The following CTNNA3 variants were observed in gnomAD, a reference collection of about 807,000 sequenced individuals.
CTNNA3 encodes catenin alpha 3.
In CTNNA3, 76 loss-of-function variants were observed where a neutral mutation model predicts 95.7. That is an observed-to-expected ratio of 0.79 (90% CI 0.66 to 0.96). The LOEUF is 0.96. Among genes scored for constraint, CTNNA3 ranks in the 40% least tolerant of loss-of-function variants. CTNNA3 has a pLI of 0.00. For synonymous variants in CTNNA3, 431 were observed against 374.4 expected, an observed-to-expected ratio of 1.15 and a Z score of -1.74; for missense variants, 1,191 against 1,089.8, an observed-to-expected ratio of 1.09 and a Z score of -1.31.
At chr10:66,682,559 T>TC (rs1847103510) in intron 9 of CTNNA3, among the ~76,000 whole-genome samples, 2 of 152,054 alleles carry the variant, frequency 1.3e-5, no homozygotes, top group African/African-American at 4.8e-5. Context: ...CAAATTATTT[T>TC]CTCAGGAGAT....
At chr10:67,401,642 G>A (rs1305494119) in intron 5 of CTNNA3, among the ~76,000 whole-genome samples, 3 of 152,172 alleles carry the variant, frequency 2.0e-5, no homozygotes, top group African/African-American at 7.2e-5. Context: ...CGAAGGTACA[G>A]TGCTAGTGAT....
chr10:66,149,987 G>A (rs79815550), intron 13 of CTNNA3, among the ~76,000 whole-genome samples: 1,755 of 152,184 alleles, frequency 0.012, 66 homozygotes, highest in East Asian at 0.081. Flanking sequence ...AGTTAACAAT[G>A]GACTTGGATT....
rs1286677103 is a variant in CTNNA3 at position 66,418,893 on chromosome 10, A to G, written c.1532-39541T>C. 2.0e-5 allele frequency among the ~76,000 whole-genome samples: 3 copies of G among 152,246 alleles called. No individual in the cohort carries two copies. In the East Asian group the frequency reaches 5.8e-4, roughly 29 times the overall value. On this transcript the variant is annotated intron_variant, in intron 11 of 17. Coordinates refer to ENST00000433211, the MANE Select transcript of CTNNA3 (RefSeq NM_013266.4). Reference sequence around the variant, plus strand: ...ACATGCCTCAAAAAATAAAGTCCATATATGTCAAATCCACAAATAGCATTA... The same window carrying G: ...ACATGCCTCAAAAAATAAAGTCCATGTATGTCAAATCCACAAATAGCATTA...
chr10:66,106,366 T>TGG (rs2081912540), intron 13 of CTNNA3, among the ~76,000 whole-genome samples: 1 of 151,472 alleles, frequency 6.6e-6, no homozygotes, highest in African/African-American at 2.4e-5. Flanking sequence ...TGTGTGTGTG[T>TGG]GTGTGTGTGT....
rs558964587 is a variant in CTNNA3 at position 66,388,795 on chromosome 10, A to C, written c.1532-9443T>G. On this transcript the variant is annotated intron_variant, in intron 11 of 17. Transcript: ENST00000433211. ...ACTAAGATTAAATATAGCACAAAAT[A>C]ATTAGAAAAGGTTCACAAAGTTTGT... 5.3e-5 allele frequency among the ~76,000 whole-genome samples: 8 copies of C among 152,238 alleles called. No homozygotes were observed. The South Asian group carries it at 1.7e-3, about 32-fold the overall frequency.
intron 5 of CTNNA3, among the ~76,000 whole-genome samples, chr10:67,472,321 T>A (rs1055658325): frequency 1.3e-5 from 2 of 152,162 alleles, no homozygotes; most frequent in African/African-American, 4.8e-5. Flanking sequence ...ATCTGTTCTA[T>A]CTTAGATAAA....
chr10:66,384,037 A>G (rs1485041881), intron 11 of CTNNA3, among the ~76,000 whole-genome samples: 2 of 152,334 alleles, frequency 1.3e-5, no homozygotes, highest in East Asian at 3.9e-4. Context: ...AACTGCATCA[A>G]CTAACAGGCA....
intron 7 of CTNNA3, among the ~76,000 whole-genome samples, chr10:66,913,156 G>A (rs1288369401): frequency 1.5e-5 from 2 of 137,230 alleles, no homozygotes; most frequent in Admixed American, 1.6e-4. Flanking sequence ...GGAGAATGGC[G>A]TGAACCCGGG....
chr10:67,090,393 C>T (rs1857561052), intron 7 of CTNNA3, among the ~76,000 whole-genome samples: 1 of 152,050 alleles, frequency 6.6e-6, no homozygotes, highest in African/African-American at 2.4e-5. Flanking sequence ...AATGTTCACA[C>T]TAATGGAAAT....
chr10:66,961,027 A>T (rs1052099833), intron 7 of CTNNA3, among the ~76,000 whole-genome samples: 1 of 152,212 alleles, frequency 6.6e-6, no homozygotes, highest in Non-Finnish European at 1.5e-5. Flanking sequence ...AATTAACTTG[A>T]CATAGTTATC....
At chr10:66,016,472 G>C (rs1393073252) in intron 15 of CTNNA3, among the ~76,000 whole-genome samples, 1 of 152,150 alleles carries the variant, frequency 6.6e-6, no homozygotes, top group African/African-American at 2.4e-5. Flanking sequence ...TCCCAGAGAA[G>C]AGTCTCTATC....
chr10:67,549,548 T>C (rs2133224112), intron 3 of CTNNA3, among the ~76,000 whole-genome samples: 1 of 152,322 alleles, frequency 6.6e-6, no homozygotes, highest in South Asian at 2.1e-4. Context: ...CTGAGAAACT[T>C]GAGATTCTTA....
Position 66,818,208 on chromosome 10 carries a change from C to T in CTNNA3, c.1048-42684G>A, listed in dbSNP as rs57248646. 5.9e-3 allele frequency among the ~76,000 whole-genome samples: 892 copies of T among 152,226 alleles called. 8 individuals are homozygous for T. Among genetic ancestry groups the T allele is most frequent in the African/African-American group, 0.021 (867 of 41,552 alleles). On this transcript the variant is annotated intron_variant, in intron 7 of 17. Coordinates refer to ENST00000433211, the MANE Select transcript of CTNNA3 (RefSeq NM_013266.4). ...TTAATGGTGAACACTGAAAGTCTTT[C>T]CCTAAGATCAGGAACCTGACAAGAA...
chr10:67,568,010 C>T (rs1027616500), intron 3 of CTNNA3, among the ~76,000 whole-genome samples: 4 of 152,110 alleles, frequency 2.6e-5, no homozygotes, highest in African/African-American at 9.7e-5. Flanking sequence ...TGACAACTTG[C>T]CCCACTTTGC....
At chr10:67,122,327 C>A (rs1859511370) in intron 7 of CTNNA3, among the ~76,000 whole-genome samples, 1 of 151,808 alleles carries the variant, frequency 6.6e-6, no homozygotes, top group Non-Finnish European at 1.5e-5. Context: ...AAAAGATTTA[C>A]AATAACATAA....
intron 9 of CTNNA3, among the ~76,000 whole-genome samples, chr10:66,630,654 T>C (rs1845100620): frequency 6.6e-6 from 1 of 152,128 alleles, no homozygotes; most frequent in African/African-American, 2.4e-5. Context: ...TTCTGATAAT[T>C]GCAGAAAGAG....
intron 12 of CTNNA3, among the ~76,000 whole-genome samples, chr10:66,331,311 T>C (rs1324166130): frequency 6.6e-6 from 1 of 150,590 alleles, no homozygotes; most frequent in African/African-American, 2.4e-5. Context: ...CAGCACCATT[T>C]ATTAAATATG....
At chr10:66,300,834 A>C (rs2091850810) in intron 12 of CTNNA3, among the ~76,000 whole-genome samples, 1 of 152,126 alleles carries the variant, frequency 6.6e-6, no homozygotes. Context: ...AATTAGAGCA[A>C]AAATCAATGA....
Position 66,344,502 on chromosome 10 carries a change from G to A in CTNNA3, c.1732+34650C>T, listed in dbSNP as rs2092485914. ...GGCTGGTCTCGAACTCCTGACCTCA[G>A]GTGATCCGTCGGCTTTGGCCAACCA... is the stretch of plus-strand genomic sequence containing the variant. On this transcript the variant is annotated intron_variant, in intron 12 of 17. Coordinates refer to ENST00000433211, the MANE Select transcript of CTNNA3 (RefSeq NM_013266.4). 3.3e-5 allele frequency among the ~76,000 whole-genome samples: 5 copies of A among 151,816 alleles called. No individual in the cohort carries two copies. In the South Asian group the frequency reaches 1.0e-3, roughly 32 times the overall value.
Sources: gnomAD v4.1 joint callset for allele counts (sites outside exome capture counted in the v4.1 genomes callset) on GRCh38, gnomAD v4.1.1 for gene constraint, MANE v1.5 for transcripts, NCBI Gene and HGNC (gene_info 2026-07-23, HGNC 2026-07-21) for gene names.